TEC: variants seen among roughly 807,000 people sequenced by gnomAD.
TEC encodes tec protein tyrosine kinase.
In TEC, 72 loss-of-function variants were observed where a neutral mutation model predicts 93.0. The ratio of observed to expected loss-of-function variants is 0.77; its 90% CI spans 0.64 to 0.94. The LOEUF (loss-of-function observed/expected upper bound fraction) is 0.94. Among genes scored for constraint, TEC ranks in the 40% least tolerant of loss-of-function variants. The pLI is 0.00. For synonymous variants in TEC, 249 were observed against 247.7 expected, an observed-to-expected ratio of 1.01 and a Z score of -0.05; for missense variants, 630 against 757.9, an observed-to-expected ratio of 0.83 and a Z score of 1.98.
chr4:48,243,557 C>G (rs1723974621), intron 1 of TEC, among the ~76,000 whole-genome samples: 1 of 152,208 alleles, frequency 6.6e-6, no homozygotes, highest in Non-Finnish European at 1.5e-5. Flanking sequence ...CAACTGCTAA[C>G]TGAACACCTG....
chr4:48,260,619 G>A (rs7697414), intron 1 of TEC, among the ~76,000 whole-genome samples: 20,573 of 150,112 alleles, frequency 0.14, 1,672 homozygotes, highest in Non-Finnish European at 0.18. Flanking sequence ...CAAAAAAAAA[G>A]AAAAAAAAAA....
intron 1 of TEC, among the ~76,000 whole-genome samples, chr4:48,247,770 TTAGA>T (rs1213399669): frequency 1.3e-5 from 2 of 152,230 alleles, no homozygotes; most frequent in African/African-American, 2.4e-5. Flanking sequence ...TCTTCTGGAA[TTAGA>T]TAGTGGCGAT....
At chr4:48,201,946 T>C (rs576248956) in intron 2 of TEC, among the ~76,000 whole-genome samples, 3 of 146,530 alleles carry the variant, frequency 2.0e-5, no homozygotes, top group East Asian at 4.0e-4. Context: ...CAAAGTACTG[T>C]GGCTTATTTT....
chr4:48,147,128 A>G (rs909212298), intron 11 of TEC, among the ~76,000 whole-genome samples: 1 of 152,192 alleles, frequency 6.6e-6, no homozygotes, highest in Non-Finnish European at 1.5e-5. Flanking sequence ...AATAAAACTT[A>G]TACAGGAACA....
chr4:48,215,233 G>A (rs111270973), intron 2 of TEC, among the ~76,000 whole-genome samples: 38,142 of 152,044 alleles, frequency 0.25, 5,551 homozygotes, highest in Admixed American at 0.33. Context: ...TGTGCCGGGC[G>A]CAGTGGCTCA....
intron 2 of TEC, among the ~76,000 whole-genome samples, chr4:48,188,560 A>G (rs867266269): frequency 1.2e-4 from 19 of 152,172 alleles, no homozygotes; most frequent in South Asian, 4.1e-4. Context: ...TAACAATTCA[A>G]GTGTTCTCTC....
chr4:48,243,150 A>G (rs1451465298), intron 1 of TEC, among the ~76,000 whole-genome samples: 1 of 151,916 alleles, frequency 6.6e-6, no homozygotes, highest in East Asian at 1.9e-4. Flanking sequence ...AGACATAAGC[A>G]ATGGTTCTTT....
At chr4:48,168,301 A>G (rs1245242883) in intron 6 of TEC, among the ~76,000 whole-genome samples, 1 of 152,154 alleles carries the variant, frequency 6.6e-6, no homozygotes, top group Non-Finnish European at 1.5e-5. Flanking sequence ...ATTTATCTAA[A>G]TCCCACTCCT....
At chr4:48,193,963 G>T (rs1722191098) in intron 2 of TEC, among the ~76,000 whole-genome samples, 1 of 152,078 alleles carries the variant, frequency 6.6e-6, no homozygotes, top group African/African-American at 2.4e-5. Flanking sequence ...TGGGTGGCAG[G>T]GGCAGCAAGT....
At chr4:48,175,973 C>T in intron 3 of TEC, 109 bp downstream of exon 3, 1 of 764,586 alleles carries the variant, frequency 1.3e-6, no homozygotes, top group Non-Finnish European at 2.2e-6. Flanking sequence ...ATTAAAGTGG[C>T]AAATGAACCT....
intron 8 of TEC, among the ~76,000 whole-genome samples, chr4:48,158,721 G>A (rs1423261009): frequency 6.6e-6 from 1 of 152,206 alleles, no homozygotes; most frequent in Non-Finnish European, 1.5e-5. Context: ...TAGCTCTCAA[G>A]AGGAAACCAA....
At chr4:48,203,646 G>A (rs1722607353) in intron 2 of TEC, among the ~76,000 whole-genome samples, 1 of 152,046 alleles carries the variant, frequency 6.6e-6, no homozygotes, top group Non-Finnish European at 1.5e-5. Context: ...GGGTGTCTGG[G>A]GCTCTGGAAA....
At chr4:48,237,077 A>C (rs1221133257) in intron 1 of TEC, among the ~76,000 whole-genome samples, 2 of 152,188 alleles carry the variant, frequency 1.3e-5, no homozygotes, top group African/African-American at 2.4e-5. Flanking sequence ...TACGCCTGTA[A>C]TCCCACCACT....
intron 3 of TEC, 80 bp downstream of exon 3, chr4:48,176,002 C>T: frequency 9.1e-7 from 1 of 1,104,120 alleles, no homozygotes; most frequent in Non-Finnish European, 1.4e-6. Context: ...GCCAGCAAAG[C>T]AAGGACAGGA....
chr4:48,265,311 T>C (rs1244903020), intron 1 of TEC, among the ~76,000 whole-genome samples: 3 of 150,516 alleles, frequency 2.0e-5, no homozygotes, highest in African/African-American at 7.3e-5. Flanking sequence ...ATAGCCAATA[T>C]CTGAACAATA....
At chr4:48,141,949 G>A (rs548964820) in intron 14 of TEC, among the ~76,000 whole-genome samples, 34 of 151,932 alleles carry the variant, frequency 2.2e-4, no homozygotes, top group Non-Finnish European at 3.8e-4. Flanking sequence ...CAACCTCACC[G>A]GCCAACTGTC....
At chr4:48,247,980 CAG>C (rs1724104391) in intron 1 of TEC, among the ~76,000 whole-genome samples, 2 of 152,138 alleles carry the variant, frequency 1.3e-5, no homozygotes, top group South Asian at 4.1e-4. Flanking sequence ...AAGTGGAAAA[CAG>C]AGTGGAACTC....
intron 1 of TEC, among the ~76,000 whole-genome samples, chr4:48,248,544 G>C (rs1724119449): frequency 6.6e-6 from 1 of 152,226 alleles, no homozygotes; most frequent in Non-Finnish European, 1.5e-5. Flanking sequence ...CAGACACTGG[G>C]AGGGGAATGA....
intron 2 of TEC, among the ~76,000 whole-genome samples, chr4:48,193,251 A>G (rs183590447): frequency 1.3e-5 from 2 of 152,028 alleles, no homozygotes; most frequent in Admixed American, 1.3e-4. Flanking sequence ...CAGCCTCCTG[A>G]AGAGCATAAC....
Sources: allele counts gnomAD v4.1 joint callset (sites outside exome capture counted in the v4.1 genomes callset), GRCh38; gene constraint gnomAD v4.1.1; transcripts MANE v1.5; gene names NCBI Gene and HGNC (gene_info 2026-07-23, HGNC 2026-07-21).